PTPN2: variants seen among roughly 807,000 people sequenced by gnomAD.
PTPN2 encodes the protein protein tyrosine phosphatase non-receptor type 2.
Under a neutral mutation model 57.3 loss-of-function variants are expected in PTPN2, and 19 were observed. That is an observed-to-expected ratio of 0.33 (90% CI 0.23 to 0.49). The LOEUF is 0.49. PTPN2 is among the 20% of genes least tolerant of loss of function. The pLI, the probability that PTPN2 is intolerant of heterozygous loss-of-function variation, is 0.99. For missense variants in PTPN2, 358 were observed against 501.1 expected (o/e 0.71, Z 2.73); for synonymous variants, 153 against 164.9 (o/e 0.93, Z 0.55).
intron 2 of PTPN2, among the ~76,000 whole-genome samples, chr18:12,857,895 C>A (rs939179570): frequency 6.6e-6 from 1 of 152,180 alleles, no homozygotes; most frequent in African/African-American, 2.4e-5. Flanking sequence ...TAATTTATAA[C>A]AAACATGAAA....
At chr18:12,820,783 G>A (rs542626244) in intron 5 of PTPN2, among the ~76,000 whole-genome samples, 37 of 152,308 alleles carry the variant, frequency 2.4e-4, no homozygotes, top group Admixed American at 9.2e-4. Flanking sequence ...AGTTTTCTGT[G>A]TAAAACTCTG....
intron 2 of PTPN2, among the ~76,000 whole-genome samples, chr18:12,844,894 T>C (rs552239428): frequency 4.0e-4 from 61 of 152,332 alleles, no homozygotes; most frequent in Non-Finnish European, 7.9e-4. Context: ...ATGATCTATC[T>C]TCAGTTAACT....
At chr18:12,804,453 T>C (rs941911526) in intron 7 of PTPN2, among the ~76,000 whole-genome samples, 10 of 146,088 alleles carry the variant, frequency 6.8e-5, no homozygotes, top group African/African-American at 2.5e-4. Context: ...AAACGAAAGA[T>C]CAACAAAACC....
downstream of PTPN2, among the ~76,000 whole-genome samples, chr18:12,791,260 A>C (rs2040976707): frequency 6.6e-6 from 1 of 152,228 alleles, no homozygotes; most frequent in Non-Finnish European, 1.5e-5. Flanking sequence ...GCAGAAATAG[A>C]TATGAGTGGA....
chr18:12,790,106 CT>C (rs1247411310), downstream of PTPN2, among the ~76,000 whole-genome samples: 16 of 148,780 alleles, frequency 1.1e-4, no homozygotes, highest in Non-Finnish European at 1.8e-4. Context: ...CTAAATTTTT[CT>C]TTTTTTTTTA....
At chr18:12,812,840 G>A (rs1460386628) in intron 7 of PTPN2, among the ~76,000 whole-genome samples, 1 of 151,986 alleles carries the variant, frequency 6.6e-6, no homozygotes, top group Non-Finnish European at 1.5e-5. Context: ...AAATGCCTTA[G>A]AATTGAGAGC....
rs193126979 is a variant in PTPN2 at position 12,880,424 on chromosome 18, C to A, written c.69+3649G>T. 2.0e-5 allele frequency: 3 copies of A among 152,348 alleles called. No homozygotes were observed. In the East Asian group the frequency reaches 5.8e-4, roughly 29 times the overall value. 9.4% of individuals were successfully genotyped at this position (152,348 alleles called of 1,614,324 possible). ...ACACAATCTTGCTTCATTTTAGCTA[C>A]CTCTCCCCACTTCTTCAAGTTGGGC... On this transcript the variant is annotated intron_variant, in intron 1 of 8. Transcript: ENST00000309660.
chr18:12,789,585 G>A (rs1205032602), downstream of PTPN2, among the ~76,000 whole-genome samples: 3 of 152,192 alleles, frequency 2.0e-5, no homozygotes, highest in Admixed American at 6.5e-5. Context: ...ACAGCCAGGC[G>A]AGGGAGGACC....
intron 8 of PTPN2, among the ~76,000 whole-genome samples, chr18:12,796,656 CAT>C (rs1446752158): frequency 2.0e-5 from 3 of 152,314 alleles, no homozygotes; most frequent in Non-Finnish European, 2.9e-5. Flanking sequence ...ACTGAGAACA[CAT>C]GTCCATGCAA....
intron 5 of PTPN2, among the ~76,000 whole-genome samples, chr18:12,822,162 C>T (rs1319973518): frequency 1.4e-5 from 2 of 140,170 alleles, no homozygotes; most frequent in Non-Finnish European, 3.1e-5. Context: ...TTACTAAGGA[C>T]GTGCAGAGAA....
At chr18:12,853,549 C>T (rs1206663718) in intron 2 of PTPN2, among the ~76,000 whole-genome samples, 7 of 152,158 alleles carry the variant, frequency 4.6e-5, no homozygotes, top group South Asian at 2.1e-4. Context: ...ACTTAGTGAA[C>T]GAGAACCACC....
intron 1 of PTPN2, 180 bp downstream of exon 1, chr18:12,883,892 AC>A: frequency 8.5e-6 from 4 of 471,422 alleles, no homozygotes; most frequent in South Asian, 6.3e-5. Flanking sequence ...TTTTTTTTAA[AC>A]CAAAAGGAGC....
intron 2 of PTPN2, among the ~76,000 whole-genome samples, chr18:12,837,547 A>G (rs2042909544): frequency 6.6e-6 from 1 of 152,228 alleles, no homozygotes; most frequent in South Asian, 2.1e-4. Flanking sequence ...AATATGTGAA[A>G]TACAAAATGT....
In PTPN2 at chr18:12,851,003, G is replaced by GT. The variant is rs545102829; in HGVS notation, c.160+8160dup. ...GATCCACCCACCTAGGCCTCCCAAA[G>GT]TGCTGGGATTACAGGCGTGAGCCAC... On this transcript the variant is annotated intron_variant, in intron 2 of 8. Coordinates refer to ENST00000309660, the MANE Select transcript of PTPN2 (RefSeq NM_002828.4). Among the ~76,000 whole-genome samples the GT allele has an allele frequency of 7.3e-3, 1,118 of 152,208 alleles. 5 individuals carry two copies. Among genetic ancestry groups the GT allele is most frequent in the Non-Finnish European group, 0.011 (771 of 68,002 alleles).
At chr18:12,850,043 C>T (rs773584999) in intron 2 of PTPN2, among the ~76,000 whole-genome samples, 5 of 151,964 alleles carry the variant, frequency 3.3e-5, no homozygotes, top group Non-Finnish European at 1.5e-5. Context: ...TCAGTCTTAC[C>T]GAGGCTAACA....
intron 1 of PTPN2, among the ~76,000 whole-genome samples, chr18:12,883,409 C>A (rs1417405882): frequency 6.6e-6 from 1 of 152,200 alleles, no homozygotes; most frequent in African/African-American, 2.4e-5. Flanking sequence ...CCCGAGAGCG[C>A]TGCCCTCGCC....
At position 12,794,312 on chromosome 18, in the gene PTPN2, C is replaced by A; in HGVS notation, c.1214G>T (p.Gly405Val). 1 of 1,614,154 alleles carries A rather than the reference C, an allele frequency of 6.2e-7. No homozygotes were observed. The highest frequency in any genetic ancestry group is 8.5e-7 in the Non-Finnish European group (1 of 1,180,022). ...ATTTTGCTGAAAAAACAGTGTCCAG[C>A]CAACAAAAGCGCCAACCAAAATGAC... ...MSVILVGAFV[G>V]WTLFFQQNAL The change falls in exon 9 of 9, where the codon GGC becomes GTC. Residue 405 changes from glycine (G) to valine (V), a missense_variant. By Grantham distance (109) the Gly-to-Val change is moderately radical (BLOSUM62 -3). Around this residue, in one of 4 missense-constraint regions of PTPN2, gnomAD observed 96 missense variants for 110.8 expected, o/e 0.87. Transcript: ENST00000309660.
At chr18:12,798,154 G>GTAACCTCACACACA (rs1337910762) in intron 8 of PTPN2, among the ~76,000 whole-genome samples, 1 of 152,132 alleles carries the variant, frequency 6.6e-6, no homozygotes, top group African/African-American at 2.4e-5. Context: ...TCACAACAGA[G>GTAACCTCACACACA]TAACCTCACA....
At chr18:12,884,232 GCATGCGCGCTGCGCGCCGCGCCC>G (rs2044788077) in exon 1 of PTPN2, 4 of 977,230 alleles carry the variant, frequency 4.1e-6, no homozygotes, top group Non-Finnish European at 5.5e-6. Flanking sequence ...GCGCTGCGGC[GCATGCGCGCTGCGCGCCGCGCCC>G]CGCCCCCACG....
Sources: allele counts gnomAD v4.1 joint callset (sites outside exome capture counted in the v4.1 genomes callset), GRCh38; gene constraint gnomAD v4.1.1; regional missense constraint gnomAD v4.1.1; transcripts MANE v1.5; gene names NCBI Gene and HGNC (gene_info 2026-07-23, HGNC 2026-07-21).